The following CDH23 variants were observed in gnomAD, a reference collection of about 807,000 sequenced individuals.
The protein encoded by CDH23 is cadherin related 23.
CDH23 carries 189 observed loss-of-function variants against 317.1 expected under a neutral mutation model. The observed-to-expected ratio is 0.60, with a 90% CI of 0.53 to 0.67. The LOEUF is 0.67. CDH23 is among the 30% of genes least tolerant of loss of function. The pLI, the probability that CDH23 is intolerant of heterozygous loss-of-function variation, is 0.00. For synonymous variants in CDH23, 1,839 were observed against 1,876.8 expected (o/e 0.98, Z 0.52); for missense variants, 4,401 against 4,592.4 (o/e 0.96, Z 1.20).
intron 55 of CDH23, 119 bp from the exon 56 acceptor site, chr10:71,805,687 T>G (rs929837489): frequency 6.0e-6 from 6 of 995,830 alleles, no homozygotes; most frequent in South Asian, 1.8e-5. Context: ...TCCTGGCGGG[T>G]GCTGTAAGCT....
At chr10:71,722,640 G>A (rs923449990) in intron 28 of CDH23, among the ~76,000 whole-genome samples, 36 of 152,342 alleles carry the variant, frequency 2.4e-4, no homozygotes, top group African/African-American at 8.2e-4. Context: ...CCAGGGGTAG[G>A]GAAGGCCAGG....
chr10:71,544,443 G>A (rs962682381), intron 6 of CDH23, among the ~76,000 whole-genome samples: 6 of 152,188 alleles, frequency 3.9e-5, no homozygotes, highest in Non-Finnish European at 5.9e-5. Context: ...CGAAGCTGGC[G>A]ATGGGAGTAG....
chr10:71,632,977 T>C (rs1465104054), intron 11 of CDH23, among the ~76,000 whole-genome samples: 1 of 152,084 alleles, frequency 6.6e-6, no homozygotes, highest in African/African-American at 2.4e-5. Flanking sequence ...TGGTGGGGGC[T>C]CTCTGCAGAG....
intron 14 of CDH23, among the ~76,000 whole-genome samples, chr10:71,658,022 G>A (rs113116027): frequency 1.2e-3 from 178 of 152,310 alleles, no homozygotes; most frequent in Middle Eastern, 6.8e-3. Context: ...CCATTTGGGG[G>A]TGTCTACGGA....
chr10:71,477,845 C>T (rs1286563356), intron 3 of CDH23, among the ~76,000 whole-genome samples: 1 of 152,148 alleles, frequency 6.6e-6, no homozygotes, highest in African/African-American at 2.4e-5. Flanking sequence ...TCTCTCTCTG[C>T]TGGGCTCTTA....
In CDH23 at chr10:71,800,770, C is replaced by T. The variant is rs767189570; in HGVS notation, c.7482+15C>T. 6.2e-7 allele frequency: 1 copy of T among 1,612,976 alleles called. No homozygotes were observed. Among genetic ancestry groups the T allele is most frequent in the East Asian group, 2.2e-5 (1 of 44,862 alleles). On this transcript the variant is annotated intron_variant, in intron 53 of 69. Coordinates refer to ENST00000224721, the MANE Select transcript of CDH23 (RefSeq NM_022124.6). ...ATTCAGTGCAGGTGAGGGGTGCCAA[C>T]CTGGGCCAGGGATGACAGGGACTGG...
chr10:71,742,185 A>G, intron 38 of CDH23: 1 of 538,700 alleles, frequency 1.9e-6, no homozygotes, highest in Non-Finnish European at 3.3e-6. Flanking sequence ...TCTCTCACAG[A>G]GCAGCTCTAT....
At chr10:71,564,063 G>A (rs1857268098) in intron 6 of CDH23, among the ~76,000 whole-genome samples, 2 of 152,292 alleles carry the variant, frequency 1.3e-5, no homozygotes, top group Middle Eastern at 3.4e-3. Flanking sequence ...CAATCTCCCA[G>A]GGGAAAGTTC....
chr10:71,689,211 G>T (rs943906015), intron 19 of CDH23, among the ~76,000 whole-genome samples: 1 of 91,280 alleles, frequency 1.1e-5, no homozygotes, highest in Non-Finnish European at 2.3e-5. Context: ...GGTTGGTGGA[G>T]TCAGGGATGG....
chr10:71,812,428 TG>T (rs1841967400), intron 66 of CDH23, 51 bp from the exon 67 acceptor site: 1 of 1,611,144 alleles, frequency 6.2e-7, no homozygotes. Flanking sequence ...GAAGGGCACC[TG>T]TCTACTCGAG....
At chr10:71,765,643 C>T (rs145250889) in intron 38 of CDH23, among the ~76,000 whole-genome samples, 108 of 152,180 alleles carry the variant, frequency 7.1e-4, no homozygotes, top group African/African-American at 2.5e-3. Context: ...TTGAGATGCA[C>T]GGCGGGTGGG....
chr10:71,551,242 TG>T (rs1256814210), intron 6 of CDH23, among the ~76,000 whole-genome samples: 2 of 152,360 alleles, frequency 1.3e-5, no homozygotes, highest in East Asian at 3.9e-4. Context: ...CCTCTTCATC[TG>T]GGTTTCATTT....
chr10:71,648,899 G>C (rs768377769), intron 14 of CDH23, among the ~76,000 whole-genome samples: 12 of 152,162 alleles, frequency 7.9e-5, no homozygotes, highest in Non-Finnish European at 1.5e-4. Flanking sequence ...CATTTCATCA[G>C]GTAACAGCTC....
At chr10:71,633,014 A>G (rs1436787438) in intron 11 of CDH23, among the ~76,000 whole-genome samples, 2 of 152,088 alleles carry the variant, frequency 1.3e-5, no homozygotes, top group Non-Finnish European at 2.9e-5. Context: ...GGCATCTCGC[A>G]TGATGAGATT....
chr10:71,668,485 A>G (rs1864004857), intron 14 of CDH23, among the ~76,000 whole-genome samples: 1 of 152,114 alleles, frequency 6.6e-6, no homozygotes, highest in Admixed American at 6.5e-5. Context: ...CTTGGAGTTA[A>G]CCATGTTGAT....
At chr10:71,485,823 C>A (rs1282979739) in intron 3 of CDH23, among the ~76,000 whole-genome samples, 1 of 152,182 alleles carries the variant, frequency 6.6e-6, no homozygotes, top group East Asian at 1.9e-4. Flanking sequence ...TGCTCCAATT[C>A]TATGACAAAG....
In CDH23 at chr10:71,738,591, G is replaced by C; in HGVS notation, c.4303G>C (p.Gly1435Arg). Reference protein sequence around the residue: ...AVSIPEDCPVGQRVATVKAWD... With the variant: ...AVSIPEDCPVRQRVATVKAWD... ...CAGCATACCCGAGGACTGCCCTGTG[G>C]GCCAGCGAGTGGCTACTGTCAAGGC... Residue 1435 changes from glycine (G) to arginine (R), a missense_variant, in exon 35 of 70, where the codon GGC becomes CGC. This residue lies in a region of CDH23 where 3,068 missense variants were observed against 3,203.3 expected (regional missense o/e 0.96). Coordinates refer to ENST00000224721, the MANE Select transcript of CDH23 (RefSeq NM_022124.6). The C allele has an allele frequency of 6.2e-7, 1 of 1,613,796 alleles. No homozygotes were observed. Among genetic ancestry groups the C allele is most frequent in the Non-Finnish European group, 8.5e-7 (1 of 1,179,882 alleles).
intron 6 of CDH23, among the ~76,000 whole-genome samples, chr10:71,564,468 T>A (rs190091082): frequency 6.6e-6 from 1 of 152,368 alleles, no homozygotes; most frequent in Admixed American, 6.5e-5. Context: ...CCGCAGGGCA[T>A]GAAACATAAT....
chr10:71,430,862 G>T (rs1218423822), intron 1 of CDH23, among the ~76,000 whole-genome samples: 1 of 152,100 alleles, frequency 6.6e-6, no homozygotes. Flanking sequence ...TTAAAGGATG[G>T]TCCCCCATAT....
Sources: gnomAD v4.1 joint callset for allele counts (sites outside exome capture counted in the v4.1 genomes callset) on GRCh38, gnomAD v4.1.1 for gene constraint, gnomAD v4.1.1 regional missense constraint, MANE v1.5 for transcripts, NCBI Gene and HGNC (gene_info 2026-07-23, HGNC 2026-07-21) for gene names.